Variants in RFX4 observed in about 807,000 individuals in gnomAD.
RFX4 encodes transcription factor RFX4.
Under a neutral mutation model 95.0 loss-of-function variants are expected in RFX4, and 10 were observed. The ratio of observed to expected loss-of-function variants is 0.11; its 90% CI spans 0.06 to 0.18. The LOEUF (loss-of-function observed/expected upper bound fraction) is 0.18. Among genes scored for constraint, RFX4 ranks in the 10% least tolerant of loss-of-function variants. RFX4 has a pLI of 1.00. For missense variants in RFX4, 640 were observed against 922.0 expected (o/e 0.69, Z 3.96); for synonymous variants, 321 against 340.7 (o/e 0.94, Z 0.64).
chr12:106,727,080 T>C (rs1205264303), intron 13 of RFX4, among the ~76,000 whole-genome samples: 1 of 152,140 alleles, frequency 6.6e-6, no homozygotes, highest in Admixed American at 6.6e-5. Context: ...CCTACACACA[T>C]TTTTTCCATA....
chr12:106,749,418 C>T (rs1287322299), intron 16 of RFX4, among the ~76,000 whole-genome samples: 1 of 152,074 alleles, frequency 6.6e-6, no homozygotes, highest in African/African-American at 2.4e-5. Context: ...TGCAGCACGG[C>T]GGTGACCTGA....
At chr12:106,632,811 A>G (rs2040441883) in intron 2 of RFX4, among the ~76,000 whole-genome samples, 1 of 152,024 alleles carries the variant, frequency 6.6e-6, no homozygotes, top group Non-Finnish European at 1.5e-5. Flanking sequence ...ATGCCACCGT[A>G]TCTGGCACTA....
chr12:106,693,223 A>G, intron 7 of RFX4: 1 of 279,106 alleles, frequency 3.6e-6, no homozygotes, highest in Non-Finnish European at 7.3e-6. Flanking sequence ...TCATTGGACA[A>G]TAAATGACCT....
intron 2 of RFX4, among the ~76,000 whole-genome samples, chr12:106,638,803 G>C (rs1461601339): frequency 6.6e-6 from 1 of 152,096 alleles, no homozygotes; most frequent in Non-Finnish European, 1.5e-5. Flanking sequence ...GGGAGAAAGT[G>C]GTATGGGGGA....
chr12:106,757,371 G>A (rs532705890), intron 17 of RFX4, among the ~76,000 whole-genome samples: 1 of 152,156 alleles, frequency 6.6e-6, no homozygotes, highest in South Asian at 2.1e-4. Context: ...AATGTAGTGA[G>A]ACCTCACCTC....
At chr12:106,654,494 G>A (rs995649908) in intron 4 of RFX4, 143 bp downstream of exon 4, 2 of 901,204 alleles carry the variant, frequency 2.2e-6, no homozygotes, top group Non-Finnish European at 3.2e-6. Flanking sequence ...CAACTTCACT[G>A]TAATACTTTG....
intron 11 of RFX4, among the ~76,000 whole-genome samples, chr12:106,716,129 T>C (rs937309479): frequency 2.0e-5 from 3 of 152,102 alleles, no homozygotes; most frequent in Admixed American, 6.5e-5. Context: ...ACTAAAGCAA[T>C]ATGAGAAGGC....
At chr12:106,691,561 T>C (rs2041784044) in intron 7 of RFX4, among the ~76,000 whole-genome samples, 1 of 152,246 alleles carries the variant, frequency 6.6e-6, no homozygotes, top group Admixed American at 6.5e-5. Flanking sequence ...GGTGGATGTA[T>C]CTGGTACACC....
intron 4 of RFX4, among the ~76,000 whole-genome samples, chr12:106,668,574 T>G (rs890692491): frequency 6.6e-5 from 10 of 152,168 alleles, no homozygotes; most frequent in African/African-American, 2.2e-4. Context: ...TAAAAAAATT[T>G]TTTAAACTTA....
At chr12:106,652,720 A>G (rs775232360) in intron 3 of RFX4, among the ~76,000 whole-genome samples, 1 of 152,180 alleles carries the variant, frequency 6.6e-6, no homozygotes, top group Non-Finnish European at 1.5e-5. Context: ...GGGTTTGGGT[A>G]TGAAATGATT....
Position 106,689,377 on chromosome 12 carries a change from G to A in RFX4, c.669+13G>A, listed in dbSNP as rs759095212. 7.5e-6 allele frequency: 12 copies of A among 1,589,954 alleles called. No individual in the cohort carries two copies. The highest frequency in any genetic ancestry group is 1.0e-5 in the Non-Finnish European group (12 of 1,158,046). On this transcript the variant is annotated intron_variant, in intron 7 of 17. Coordinates refer to ENST00000392842, the MANE Select transcript of RFX4 (RefSeq NM_213594.3). ...CAACTTTGATGAGGTAGGTCAACAA[G>A]GGTTGAGCTGTGAATACTCGGTATT...
chr12:106,663,703 A>G (rs1390838717), intron 4 of RFX4, among the ~76,000 whole-genome samples: 3 of 150,832 alleles, frequency 2.0e-5, no homozygotes, highest in African/African-American at 7.3e-5. Context: ...TTTTTTGTAG[A>G]TATTCTTTAT....
intron 3 of RFX4, among the ~76,000 whole-genome samples, chr12:106,653,052 TG>T: frequency 1.3e-5 from 2 of 152,296 alleles, no homozygotes; most frequent in East Asian, 3.9e-4. Flanking sequence ...TGTTTCCTGT[TG>T]GTGCATTGAT....
At chr12:106,611,713 AT>A (rs900383183) in intron 2 of RFX4, among the ~76,000 whole-genome samples, 2 of 151,968 alleles carry the variant, frequency 1.3e-5, no homozygotes, top group African/African-American at 4.8e-5. Context: ...GGGTTTCACC[AT>A]GTTGGTCAGG....
chr12:106,686,121 C>T (rs2137415157), intron 5 of RFX4, among the ~76,000 whole-genome samples: 1 of 152,232 alleles, frequency 6.6e-6, no homozygotes, highest in African/African-American at 2.4e-5. Context: ...TTAAGAAAAA[C>T]ATAGGCCAAG....
rs571284326 is a variant in RFX4 at position 106,747,199 on chromosome 12, G to C, written c.1634-238G>C. 1.7e-3 allele frequency among the ~76,000 whole-genome samples: 261 copies of C among 152,158 alleles called. 1 individual carries two copies. Among genetic ancestry groups the C allele is most frequent in the Non-Finnish European group, 3.1e-3 (208 of 68,032 alleles). ...AGGCAGCAGAAACAGCACGTGCAAA[G>C]GCCCTGAGTTGCTGGGAATTGTGGT... On this transcript the variant is annotated intron_variant, in intron 15 of 17. Coordinates refer to ENST00000392842, the MANE Select transcript of RFX4 (RefSeq NM_213594.3).
At chr12:106,593,951 C>T (rs1004305313) in intron 1 of RFX4, among the ~76,000 whole-genome samples, 1 of 152,142 alleles carries the variant, frequency 6.6e-6, no homozygotes, top group Non-Finnish European at 1.5e-5. Flanking sequence ...AACATTTTGC[C>T]AAGTTTTCTT....
intron 2 of RFX4, among the ~76,000 whole-genome samples, chr12:106,620,135 T>C (rs2040153670): frequency 6.6e-6 from 1 of 152,228 alleles, no homozygotes; most frequent in African/African-American, 2.4e-5. Context: ...TCAGGTATTT[T>C]TGGTCCTTTT....
Position 106,747,479 on chromosome 12 carries a change from C to G in RFX4, c.1676C>G (p.Thr559Arg), listed in dbSNP as rs778021053. Residue 559 changes from threonine to arginine, a missense_variant, in exon 16 of 18, where the codon ACG becomes AGG. By Grantham distance (71) the Thr-to-Arg change is moderately conservative. Coordinates refer to ENST00000392842, the MANE Select transcript of RFX4 (RefSeq NM_213594.3). ...ACGTGGTCTCTAACATACACAGTGA[C>G]GACGGCTGCTGGGTCCCCAGCTGAG... ...SYTWSLTYTV[T>R]TAAGSPAENS... The G allele has an allele frequency of 6.2e-7, 1 of 1,614,000 alleles. No individual in the cohort carries two copies. Among genetic ancestry groups the G allele is most frequent in the Non-Finnish European group, 8.5e-7 (1 of 1,180,004 alleles).
Sources: allele counts gnomAD v4.1 joint callset (sites outside exome capture counted in the v4.1 genomes callset), GRCh38; gene constraint gnomAD v4.1.1; transcripts MANE v1.5; gene names NCBI Gene and HGNC (gene_info 2026-07-23, HGNC 2026-07-21).